The following PPP6R3 variants were observed in gnomAD, a reference collection of about 807,000 sequenced individuals.
PPP6R3 encodes the protein serine/threonine-protein phosphatase 6 regulatory subunit 3.
In PPP6R3, 38 loss-of-function variants were observed where a neutral mutation model predicts 110.7. The observed-to-expected ratio is 0.34, with a 90% CI of 0.26 to 0.45. The LOEUF is 0.45. PPP6R3 is among the 20% of genes least tolerant of loss of function. PPP6R3 has a pLI of 1.00. For missense variants in PPP6R3, 870 were observed against 1,062.4 expected, an observed-to-expected ratio of 0.82 and a Z score of 2.52; for synonymous variants, 369 against 373.5, an observed-to-expected ratio of 0.99 and a Z score of 0.14.
At chr11:68,574,476 C>T (rs1336242913) in intron 13 of PPP6R3, among the ~76,000 whole-genome samples, 2 of 152,164 alleles carry the variant, frequency 1.3e-5, no homozygotes, top group African/African-American at 2.4e-5. Flanking sequence ...ATATAAGAGT[C>T]ACCTATTGTC....
chr11:68,483,217 T>C (rs1027238532), intron 1 of PPP6R3, among the ~76,000 whole-genome samples: 4 of 152,234 alleles, frequency 2.6e-5, no homozygotes, highest in Admixed American at 2.0e-4. Flanking sequence ...GTTTACCTCC[T>C]TTCAAAATGA....
chr11:68,573,150 ATAT>A lies in PPP6R3; in HGVS notation c.1344-958_1344-956del, dbSNP rs1460501790. On this transcript the variant is annotated intron_variant, in intron 12 of 23. Coordinates refer to ENST00000393800, the MANE Select transcript of PPP6R3 (RefSeq NM_001164161.2). Reference sequence around the variant, plus strand: ...TATATATATATATATATATATATATATATAATTTTTTTTTTTTTGAGACGGAGT... The same window carrying A: ...TATATATATATATATATATATATATAAATTTTTTTTTTTTTGAGACGGAGT... 2.0e-3 allele frequency among the ~76,000 whole-genome samples: 168 copies of A among 82,756 alleles called. 8 individuals carry two copies. Among genetic ancestry groups the A allele is most frequent in the African/African-American group, 6.4e-3 (164 of 25,568 alleles). 54.3% of individuals were successfully genotyped at this position (82,756 alleles called of 152,430 possible).
chr11:68,591,747 G>T (rs2099595984), intron 18 of PPP6R3, 41 bp downstream of exon 18: 1 of 1,576,050 alleles, frequency 6.3e-7, no homozygotes, highest in South Asian at 1.2e-5. Flanking sequence ...TAGCCAACCT[G>T]TAAAGAAAAT....
intron 3 of PPP6R3, among the ~76,000 whole-genome samples, chr11:68,544,250 T>C (rs1251186679): frequency 6.6e-6 from 1 of 152,172 alleles, no homozygotes; most frequent in African/African-American, 2.4e-5. Flanking sequence ...TGTATACTGC[T>C]TCCTGCCTTG....
chr11:68,494,408 CAA>C (rs35190764), intron 1 of PPP6R3, among the ~76,000 whole-genome samples: 6,045 of 59,888 alleles, frequency 0.1, 79 homozygotes, highest in Middle Eastern at 0.15. Flanking sequence ...CCTGTAATCT[CAA>C]AAAAAAAAAA....
intron 1 of PPP6R3, among the ~76,000 whole-genome samples, chr11:68,491,374 G>GTGTGTGTGTT (rs1565381585): frequency 2.8e-5 from 4 of 143,776 alleles, no homozygotes; most frequent in Admixed American, 1.4e-4. Context: ...GTGTGTGTGT[G>GTGTGTGTGTT]TGTGTTTGAG....
intron 18 of PPP6R3, among the ~76,000 whole-genome samples, chr11:68,594,949 G>A (rs1304867349): frequency 1.3e-5 from 2 of 152,178 alleles, no homozygotes; most frequent in Non-Finnish European, 2.9e-5. Flanking sequence ...TGATAGAGGC[G>A]AAAGGCAATT....
At chr11:68,493,239 C>T (rs1439925051) in intron 1 of PPP6R3, among the ~76,000 whole-genome samples, 2 of 152,148 alleles carry the variant, frequency 1.3e-5, no homozygotes, top group Non-Finnish European at 2.9e-5. Context: ...TCCTCGCTTA[C>T]ATATGGGAAG....
chr11:68,556,759 A>G (rs1261020075), intron 7 of PPP6R3, among the ~76,000 whole-genome samples: 2 of 152,198 alleles, frequency 1.3e-5, no homozygotes, highest in African/African-American at 4.8e-5. Flanking sequence ...ATTTTGTTTG[A>G]TAAGCTTCAG....
chr11:68,537,806 C>A lies in PPP6R3; in HGVS notation c.142C>A (p.Leu48Met), dbSNP rs758885977. The change falls in exon 3 of 24, where the codon CTG becomes ATG. Residue 48 changes from leucine to methionine, a missense_variant. Transcript: ENST00000393800. ...KAQNRKLIEF[L>M]LKAECLEDLV... Reference sequence around the variant, plus strand: ...TCAGAACCGCAAACTTATAGAGTTTCTGTTAAAAGCAGAATGTCTCGAAGA... The same window carrying A: ...TCAGAACCGCAAACTTATAGAGTTTATGTTAAAAGCAGAATGTCTCGAAGA... 2.5e-6 allele frequency: 4 copies of A among 1,613,914 alleles called. No individual in the cohort carries two copies. Among genetic ancestry groups the A allele is most frequent in the Non-Finnish European group, 3.4e-6 (4 of 1,179,932 alleles).
At chr11:68,564,233 T>G in intron 8 of PPP6R3, 70 bp from the exon 9 acceptor site, 1 of 1,446,864 alleles carries the variant, frequency 6.9e-7, no homozygotes, top group Non-Finnish European at 9.5e-7. Context: ...AGTAAAGACA[T>G]ACATGGTCGA....
intron 15 of PPP6R3, among the ~76,000 whole-genome samples, chr11:68,585,650 A>G (rs1291928675): frequency 6.6e-6 from 1 of 152,196 alleles, no homozygotes; most frequent in Admixed American, 6.5e-5. Flanking sequence ...TAAAAATGAG[A>G]TTTGAAATGT....
At chr11:68,574,025 G>GT in intron 12 of PPP6R3, 84 bp from the exon 13 acceptor site, 2 of 960,318 alleles carry the variant, frequency 2.1e-6, no homozygotes, top group South Asian at 2.8e-5. Context: ...TAAAATGATT[G>GT]TTTAAAAGTC....
chr11:68,515,566 A>G (rs1017385076), intron 1 of PPP6R3, among the ~76,000 whole-genome samples: 2 of 152,246 alleles, frequency 1.3e-5, no homozygotes, highest in Admixed American at 6.5e-5. Context: ...TATCCAGTCA[A>G]TAATTAGAAT....
chr11:68,553,485 G>A (rs1476566855), intron 6 of PPP6R3, among the ~76,000 whole-genome samples: 1 of 151,886 alleles, frequency 6.6e-6, no homozygotes, highest in Admixed American at 6.6e-5. Context: ...TAGAGATGGG[G>A]TTTCTCCATG....
intron 22 of PPP6R3, among the ~76,000 whole-genome samples, chr11:68,603,888 A>C (rs1937742657): frequency 6.6e-6 from 1 of 152,266 alleles, no homozygotes. Flanking sequence ...ATCTCAGGAC[A>C]TAATGCAGTC....
At chr11:68,480,814 T>C (rs1047353215) in intron 1 of PPP6R3, among the ~76,000 whole-genome samples, 1 of 152,248 alleles carries the variant, frequency 6.6e-6, no homozygotes, top group African/African-American at 2.4e-5. Context: ...TTAGCAAATA[T>C]ATGATTTTTT....
intron 12 of PPP6R3, among the ~76,000 whole-genome samples, chr11:68,573,154 A>AAGT (rs2099516928): frequency 1.3e-5 from 1 of 74,320 alleles, no homozygotes; most frequent in East Asian, 4.6e-4. Flanking sequence ...ATATATATAT[A>AAGT]ATTTTTTTTT....
At chr11:68,600,101 G>A (rs939959430) in intron 19 of PPP6R3, among the ~76,000 whole-genome samples, 11 of 152,024 alleles carry the variant, frequency 7.2e-5, no homozygotes, top group African/African-American at 2.7e-4. Context: ...CAGCCTGGGC[G>A]ACAGAGCGAG....
Sources: gnomAD v4.1 joint callset for allele counts (sites outside exome capture counted in the v4.1 genomes callset) on GRCh38, gnomAD v4.1.1 for gene constraint, MANE v1.5 for transcripts, NCBI Gene and HGNC (gene_info 2026-07-23, HGNC 2026-07-21) for gene names.